Variants in CLMP observed in about 807,000 individuals in gnomAD.
CLMP encodes CXADR-like membrane protein.
A neutral mutation model predicts 45.2 loss-of-function variants in CLMP; 27 were observed. That is an observed-to-expected ratio of 0.60 (90% CI 0.44 to 0.82). The LOEUF is 0.82. Ranked by LOEUF, CLMP falls within the 40% of genes least tolerant of loss-of-function variation. CLMP has a pLI of 0.00. For synonymous variants in CLMP, 167 were observed against 171.4 expected, an observed-to-expected ratio of 0.97 and a Z score of 0.20; for missense variants, 403 against 448.4, an observed-to-expected ratio of 0.90 and a Z score of 0.91.
At chr11:123,087,678 G>T (rs972636325) in intron 2 of CLMP, among the ~76,000 whole-genome samples, 1 of 150,924 alleles carries the variant, frequency 6.6e-6, no homozygotes, top group Non-Finnish European at 1.5e-5. Context: ...AAAATTAGCT[G>T]GGTGTGGTGG....
At chr11:123,089,792 A>G (rs1280623907) in intron 2 of CLMP, among the ~76,000 whole-genome samples, 9 of 106,838 alleles carry the variant, frequency 8.4e-5, no homozygotes, top group Middle Eastern at 5.2e-3. Flanking sequence ...AAAAAAAAAA[A>G]AGAAAAAGAA....
intron 1 of CLMP, among the ~76,000 whole-genome samples, chr11:123,118,233 G>A (rs929730980): frequency 3.9e-5 from 6 of 151,944 alleles, no homozygotes; most frequent in East Asian, 1.9e-4. Context: ...GAGTTCAAGC[G>A]ATTCTCCTGT....
intron 1 of CLMP, among the ~76,000 whole-genome samples, chr11:123,119,010 T>C (rs905558565): frequency 5.6e-5 from 2 of 35,614 alleles, no homozygotes; most frequent in Non-Finnish European, 1.0e-4. Context: ...TCTCTCTCTC[T>C]CTCTCTCTCT....
rs1393191762 is a variant in CLMP at position 123,083,704 on chromosome 11, G to A, written c.532C>T (p.Arg178Cys). The change falls in exon 4 of 7, where the codon CGT (arginine) becomes TGT (cysteine). Residue 178 changes from arginine to cysteine, a missense_variant. By Grantham distance (180) the Arg-to-Cys change is radical (BLOSUM62 -3). Transcript: ENST00000448775. ...CCAATCCTAGATTTGGGAGGCAGACGTTCATCCTCTCCCTCTTTCTCTCGG... is the reference window on the plus strand; with the variant it reads ...CCAATCCTAGATTTGGGAGGCAGACATTCATCCTCTCCCTCTTTCTCTCGG... ...RIREKEGEDERLPPKSRIDYN... is the reference protein window; with the variant it reads ...RIREKEGEDECLPPKSRIDYN... The A allele has an allele frequency of 3.7e-6, 6 of 1,614,056 alleles. No individual in the cohort carries two copies. Among genetic ancestry groups the A allele is most frequent in the South Asian group, 1.1e-5 (1 of 91,076 alleles).
rs113723266 is a variant in CLMP at position 123,160,465 on chromosome 11, C to T, written c.28+34448G>A. Among the ~76,000 whole-genome samples the T allele has an allele frequency of 7.6e-3, 1,153 of 152,070 alleles. 11 individuals carry two copies. Among genetic ancestry groups the T allele is most frequent in the Non-Finnish European group, 0.011 (768 of 68,022 alleles). ...TTTCCTAAATGCTGGCTCACATGGA[C>T]GCAGTTAATTTCAAGGGGAAATCAG... On this transcript the variant is annotated intron_variant, in intron 1 of 6. Transcript: ENST00000448775.
intron 5 of CLMP, among the ~76,000 whole-genome samples, chr11:123,082,028 A>G (rs1414772756): frequency 1.3e-5 from 2 of 152,172 alleles, no homozygotes; most frequent in African/African-American, 2.4e-5. Flanking sequence ...GTCGCCTACT[A>G]CTGTCTCTCA....
At chr11:123,188,039 T>C (rs1363458563) in intron 1 of CLMP, among the ~76,000 whole-genome samples, 1 of 152,318 alleles carries the variant, frequency 6.6e-6, no homozygotes, top group East Asian at 1.9e-4. Context: ...ACTGCTAGAA[T>C]CCTTGGTACT....
At chr11:123,164,342 C>T (rs1411260436) in intron 1 of CLMP, among the ~76,000 whole-genome samples, 2 of 152,090 alleles carry the variant, frequency 1.3e-5, no homozygotes, top group African/African-American at 2.4e-5. Flanking sequence ...CTTGCTCTGT[C>T]ACCAAGGCTG....
chr11:123,191,906 A>G (rs1861912973), intron 1 of CLMP, among the ~76,000 whole-genome samples: 1 of 152,344 alleles, frequency 6.6e-6, no homozygotes, highest in Non-Finnish European at 1.5e-5. Flanking sequence ...TTGGAACACC[A>G]TAATACAAAG....
At chr11:123,104,387 C>A (rs1043448278) in intron 1 of CLMP, among the ~76,000 whole-genome samples, 2 of 143,878 alleles carry the variant, frequency 1.4e-5, no homozygotes, top group East Asian at 4.3e-4. Context: ...GTCCTGGGTT[C>A]TATTTTTTTT....
intron 1 of CLMP, among the ~76,000 whole-genome samples, chr11:123,189,869 G>A (rs1591491901): frequency 6.6e-6 from 1 of 152,068 alleles, no homozygotes; most frequent in African/African-American, 2.4e-5. Flanking sequence ...GGGCGTGATG[G>A]TGGGTGCCTG....
chr11:123,190,703 A>G (rs1007613496), intron 1 of CLMP, among the ~76,000 whole-genome samples: 2 of 152,210 alleles, frequency 1.3e-5, no homozygotes, highest in African/African-American at 2.4e-5. Flanking sequence ...CAAAATTGAA[A>G]TGTTATGACG....
chr11:123,118,979 T>G (rs866482086), intron 1 of CLMP, among the ~76,000 whole-genome samples: 2 of 45,378 alleles, frequency 4.4e-5, no homozygotes, highest in South Asian at 1.0e-3. Flanking sequence ...CTTTCTTTCT[T>G]TCTTTCTTTC....
chr11:123,152,193 A>T (rs761188768), intron 1 of CLMP, among the ~76,000 whole-genome samples: 1 of 152,154 alleles, frequency 6.6e-6, no homozygotes. Flanking sequence ...AGCTATACAC[A>T]TATATTATTA....
At chr11:123,076,046 G>A (rs1381380165) in intron 5 of CLMP, among the ~76,000 whole-genome samples, 1 of 151,988 alleles carries the variant, frequency 6.6e-6, no homozygotes, top group Non-Finnish European at 1.5e-5. Flanking sequence ...GGTGGCACAC[G>A]CCTATAATCC....
intron 1 of CLMP, among the ~76,000 whole-genome samples, chr11:123,128,716 A>G (rs1037025633): frequency 1.3e-5 from 2 of 152,222 alleles, no homozygotes; most frequent in African/African-American, 4.8e-5. Flanking sequence ...AAGTTTAATC[A>G]TCAGTATCTG....
At chr11:123,146,488 TCA>T (rs551092117) in intron 1 of CLMP, among the ~76,000 whole-genome samples, 62 of 152,268 alleles carry the variant, frequency 4.1e-4, no homozygotes, top group African/African-American at 1.4e-3. Context: ...TGCTCTTCGA[TCA>T]CAGTCTTGGT....
chr11:123,082,725 C>T (rs1027059370), intron 5 of CLMP, among the ~76,000 whole-genome samples: 38 of 151,990 alleles, frequency 2.5e-4, no homozygotes, highest in African/African-American at 8.9e-4. Flanking sequence ...ATTTTCCTGC[C>T]TCAGCTTCCT....
At chr11:123,145,282 T>G (rs1159969873) in intron 1 of CLMP, among the ~76,000 whole-genome samples, 1 of 152,086 alleles carries the variant, frequency 6.6e-6, no homozygotes, top group African/African-American at 2.4e-5. Context: ...AAGGGTTAAC[T>G]TTGTGCTCTC....
Sources: allele counts gnomAD v4.1 joint callset (sites outside exome capture counted in the v4.1 genomes callset), GRCh38; gene constraint gnomAD v4.1.1; transcripts MANE v1.5; gene names NCBI Gene and HGNC (gene_info 2026-07-23, HGNC 2026-07-21).